Variants in YTHDC1 observed in about 807,000 individuals in gnomAD.
The protein encoded by YTHDC1 is YTH N6-methyladenosine RNA binding protein C1, also known as YTH domain-containing protein 1.
A neutral mutation model predicts 107.0 loss-of-function variants in YTHDC1; 12 were observed. The ratio of observed to expected loss-of-function variants is 0.11; its 90% CI spans 0.07 to 0.18. The LOEUF is 0.18. Ranked by LOEUF, YTHDC1 falls within the 10% of genes least tolerant of loss-of-function variation. YTHDC1 has a pLI of 1.00. For missense variants in YTHDC1, 635 were observed against 898.8 expected, an observed-to-expected ratio of 0.71 and a Z score of 3.75; for synonymous variants, 280 against 289.5, an observed-to-expected ratio of 0.97 and a Z score of 0.33.
chr4:68,315,190 A>G (rs1275097464), intron 16 of YTHDC1, among the ~76,000 whole-genome samples: 2 of 152,188 alleles, frequency 1.3e-5, no homozygotes, highest in African/African-American at 2.4e-5. Context: ...GATAGACTGT[A>G]TATTTCTTTC....
chr4:68,327,304 T>C (rs1186020996), intron 9 of YTHDC1, among the ~76,000 whole-genome samples: 17 of 152,114 alleles, frequency 1.1e-4, no homozygotes, highest in Non-Finnish European at 1.5e-5. Context: ...GGAATGGACA[T>C]GAAAGGAATA....
At chr4:68,340,811 T>C (rs1306360431) in intron 1 of YTHDC1, among the ~76,000 whole-genome samples, 1 of 152,118 alleles carries the variant, frequency 6.6e-6, no homozygotes, top group Non-Finnish European at 1.5e-5. Flanking sequence ...ATTTATATTA[T>C]ATACTTTAGA....
chr4:68,349,700 G>C (rs758072047), intron 1 of YTHDC1, 26 bp downstream of exon 1: 7 of 1,586,446 alleles, frequency 4.4e-6, no homozygotes, highest in Non-Finnish European at 4.3e-6. Context: ...GCCTCGCCTC[G>C]GCCCGTCATC....
At chr4:68,338,469 A>T in intron 1 of YTHDC1, 85 bp from the exon 2 acceptor site, 1 of 858,188 alleles carries the variant, frequency 1.2e-6, no homozygotes, top group East Asian at 2.8e-5. Flanking sequence ...TGAGGCCACA[A>T]GCGCCTAGGA....
chr4:68,349,220 C>G (rs1369066000), intron 1 of YTHDC1, among the ~76,000 whole-genome samples: 1 of 152,160 alleles, frequency 6.6e-6, no homozygotes, highest in Non-Finnish European at 1.5e-5. Flanking sequence ...ATTCACTTTG[C>G]CTATTTAACA....
rs1273916540 is a variant in YTHDC1 at position 68,337,184 on chromosome 4, C to G, written c.726G>C (p.Glu242Asp). 1.9e-6 allele frequency: 3 copies of G among 1,605,200 alleles called. No homozygotes were observed. In the East Asian group the frequency reaches 6.7e-5, roughly 36 times the overall value. The change falls in exon 4 of 17, where the codon GAG becomes GAC. Residue 242 changes from glutamate to aspartate, a missense_variant. Glu to Asp is a conservative substitution (Grantham distance 45, BLOSUM62 2). This residue lies in a region of YTHDC1 where 294 missense variants were observed against 312.3 expected (regional missense o/e 0.94). Coordinates refer to ENST00000344157, the MANE Select transcript of YTHDC1 (RefSeq NM_001031732.4). ...EEEEEEEEEE[E>D]EEEEEEEYEQ... Reference sequence around the variant, plus strand: ...CATATTCTTCTTCTTCCTCCTCCTCCTCCTCCTCTTCCTCCTCCTCCTCTT... The same window carrying G: ...CATATTCTTCTTCTTCCTCCTCCTCGTCCTCCTCTTCCTCCTCCTCCTCTT...
chr4:68,332,216 C>G lies in YTHDC1; in HGVS notation c.1028-19G>C, dbSNP rs781711694. The G allele has an allele frequency of 6.5e-7, 1 of 1,539,066 alleles. No homozygotes were observed. Among genetic ancestry groups the G allele is most frequent in the Admixed American group, 1.9e-5 (1 of 53,698 alleles). ...GTTTGATCTGAAAAAAAAAGAAACC[C>G]AAATCGATTAACCACAAGCCATTAT... On this transcript the variant is annotated intron_variant, in intron 6 of 16. Transcript: ENST00000344157.
At position 68,324,199 on chromosome 4, in the gene YTHDC1, C is replaced by T. The variant is rs1445331492; in HGVS notation, c.1374G>A (p.Ser458=). The T allele has an allele frequency of 1.9e-6, 3 of 1,613,716 alleles. No homozygotes were observed. Among genetic ancestry groups the T allele is most frequent in the East Asian group, 2.2e-5 (1 of 44,852 alleles). ...CATTCCAAGGATTGGTGAGATGAGC[C>T]GACTTAGTGAAGGGTAATTCACGCC... ...ICRRELPFTK[S]AHLTNPWNEH... The change falls in exon 10 of 17, where the codon TCG becomes TCA. Residue 458 remains serine (S), a synonymous_variant. Coordinates refer to ENST00000344157, the MANE Select transcript of YTHDC1 (RefSeq NM_001031732.4).
In YTHDC1 at chr4:68,330,263, T is replaced by C. The variant is rs1292486530; in HGVS notation, c.1170A>G (p.Ala390=). The C allele has an allele frequency of 6.2e-7, 1 of 1,606,082 alleles. No homozygotes were observed. Among genetic ancestry groups the C allele is most frequent in the African/African-American group, 1.3e-5 (1 of 74,742 alleles). ...AGATAACACTCCTTGCAGATCTAAA[T>C]GCAAGATTTAATTTCTTCTCATTTA... ...LPVNEKKLNL[A]FRSARSVILI... Residue 390 remains alanine, a synonymous_variant, in exon 8 of 17, where the codon GCA becomes GCG. Coordinates refer to ENST00000344157, the MANE Select transcript of YTHDC1 (RefSeq NM_001031732.4).
intron 16 of YTHDC1, 54 bp downstream of exon 16, chr4:68,316,260 T>C (rs2109676734): frequency 6.4e-7 from 1 of 1,553,436 alleles, no homozygotes; most frequent in Non-Finnish European, 8.7e-7. Flanking sequence ...ATATTTAAGT[T>C]ACCTACAGAA....
Position 68,310,659 on chromosome 4 carries a change from C to G in YTHDC1, c.*3440G>C, listed in dbSNP as rs547121610. 2.0e-5 allele frequency: 3 copies of G among 152,242 alleles called. No homozygotes were observed. The South Asian group carries it at 6.2e-4, about 32-fold the overall frequency. 9.4% of individuals were successfully genotyped at this position (152,242 alleles called of 1,614,324 possible). ...TGTGCCTCAATTTTAATATGTGTTT[C>G]AAACTGCATTTGGAATGTTTCCTAC... On this transcript the variant is annotated 3_prime_UTR_variant, in exon 17 of 17. Transcript: ENST00000344157.
At chr4:68,336,962 C>T (rs569999594) in intron 4 of YTHDC1, 65 bp downstream of exon 4, 2 of 1,513,748 alleles carry the variant, frequency 1.3e-6, no homozygotes, top group Non-Finnish European at 1.8e-6. Flanking sequence ...ATAATTTAAA[C>T]ATTTTCAAGA....
chr4:68,325,716 C>T (rs1284312468), intron 9 of YTHDC1, among the ~76,000 whole-genome samples: 1 of 151,970 alleles, frequency 6.6e-6, no homozygotes, highest in East Asian at 1.9e-4. Flanking sequence ...TTGTTTTAAA[C>T]CTCAGGAAAA....
At chr4:68,330,683 T>C (rs1248517300) in intron 7 of YTHDC1, among the ~76,000 whole-genome samples, 1 of 152,164 alleles carries the variant, frequency 6.6e-6, no homozygotes, top group Non-Finnish European at 1.5e-5. Context: ...GAAGTTAGTC[T>C]TCTTGCAAAA....
At chr4:68,323,597 G>C (rs577404563) in intron 10 of YTHDC1, among the ~76,000 whole-genome samples, 27 of 151,822 alleles carry the variant, frequency 1.8e-4, no homozygotes, top group African/African-American at 6.5e-4. Context: ...CTCGTAACCT[G>C]GTTTCCAAAA....
chr4:68,329,697 A>T (rs775460597), intron 9 of YTHDC1, among the ~76,000 whole-genome samples: 4 of 151,938 alleles, frequency 2.6e-5, no homozygotes, highest in Non-Finnish European at 5.9e-5. Flanking sequence ...TAGCCAAGTC[A>T]TAGTACTTAT....
chr4:68,325,207 C>T (rs531301124), intron 9 of YTHDC1, among the ~76,000 whole-genome samples: 3 of 152,076 alleles, frequency 2.0e-5, no homozygotes, highest in Middle Eastern at 3.4e-3. Context: ...CCATAGCCAT[C>T]GAAGAAAAAT....
At chr4:68,349,426 G>C (rs1299213407) in intron 1 of YTHDC1, among the ~76,000 whole-genome samples, 1 of 152,184 alleles carries the variant, frequency 6.6e-6, no homozygotes, top group East Asian at 1.9e-4. Context: ...AAACCTAGGA[G>C]CTTGCAACTC....
At position 68,313,964 on chromosome 4, in the gene YTHDC1, G is replaced by T; in HGVS notation, c.*135C>A. 2 of 915,418 alleles carry T rather than the reference G, an allele frequency of 2.2e-6. No homozygotes were observed. The highest frequency in any genetic ancestry group is 1.7e-5 in the African/African-American group (1 of 60,150). The allele number at this position is 915,418 out of a possible 1,614,324, so 56.7% of individuals were successfully genotyped here. On this transcript the variant is annotated 3_prime_UTR_variant, in exon 17 of 17. Transcript: ENST00000344157. ...GATACTGCATGCTTGGAACAAAGGG[G>T]GTCATAATAAATCCTTCTACACAAT... is the stretch of plus-strand genomic sequence containing the variant.
Sources: allele counts gnomAD v4.1 joint callset (sites outside exome capture counted in the v4.1 genomes callset), GRCh38; gene constraint gnomAD v4.1.1; regional missense constraint gnomAD v4.1.1; transcripts MANE v1.5; gene names NCBI Gene and HGNC (gene_info 2026-07-23, HGNC 2026-07-21).